Variants in PVRIG observed in about 807,000 individuals in gnomAD.
PVRIG encodes transmembrane protein PVRIG.
PVRIG carries 16 observed loss-of-function variants against 21.9 expected under a neutral mutation model. The observed-to-expected ratio is 0.73, with a 90% confidence interval of 0.50 to 1.11. The LOEUF (loss-of-function observed/expected upper bound fraction) is 1.11. Ranked by LOEUF, PVRIG falls within the 50% of genes most tolerant of loss-of-function variation. The pLI is 0.00. For synonymous variants in PVRIG, 190 were observed against 181.0 expected (o/e 1.05, Z -0.40); for missense variants, 435 against 445.7 (o/e 0.98, Z 0.22).
chr7:100,219,784 C>T, exon 2 of PVRIG: 1 of 763,408 alleles, frequency 1.3e-6, no homozygotes, highest in South Asian at 1.7e-5. Flanking sequence ...GCCTTGGGGA[C>T]TGAGCAGGCC....
chr7:100,220,558 C>T, exon 4 of PVRIG: 1 of 1,611,632 alleles, frequency 6.2e-7, no homozygotes, highest in South Asian at 1.1e-5. Context: ...GCTCTCTGCC[C>T]CGCCGACTCC....
chr7:100,220,694 A>G (rs760647913), intron 4 of PVRIG, 21 bp downstream of exon 3: 1 of 1,609,334 alleles, frequency 6.2e-7, no homozygotes, highest in Non-Finnish European at 8.5e-7. Flanking sequence ...GTCCCTGTCC[A>G]CGTCCCCCTG....
rs368001513 is a variant in PVRIG at position 100,220,907 on chromosome 7, G to C, written c.658-21G>C. 169 of 1,580,938 alleles carry C rather than the reference G, an allele frequency of 1.1e-4. 1 individual carries two copies. In the African/African-American group the frequency reaches 2.2e-3, roughly 20 times the overall value. On this transcript the variant is annotated intron_variant, in intron 5 of 5. Transcript: ENST00000317271. ...GGGCCCAAGCTGTGCAGACTCACTT[G>C]ACCCTCCTTCCCCCGCGCAGGCACC...
chr7:100,220,382 C>T, exon 3 of PVRIG: 2 of 1,582,054 alleles, frequency 1.3e-6, no homozygotes, highest in Admixed American at 3.6e-5. Context: ...CCTGCGCCAA[C>T]ACCACCTTCT....
exon 6 of PVRIG, chr7:100,221,243 G>T: frequency 6.4e-7 from 1 of 1,570,976 alleles, no homozygotes; most frequent in African/African-American, 1.3e-5. Flanking sequence ...ACCCTTAGGA[G>T]TTCGATGAGA....
chr7:100,220,037 C>G lies in PVRIG; in HGVS notation c.118+9C>G. 1.2e-6 allele frequency: 2 copies of G among 1,604,558 alleles called. No individual in the cohort carries two copies. The highest frequency in any genetic ancestry group is 1.7e-6 in the Non-Finnish European group (2 of 1,176,196). On this transcript the variant is annotated intron_variant, in intron 2 of 5. Transcript: ENST00000317271. ...CTTGTGTGTCACTGCGGGTGAGTGC[C>G]GGCACCAGAGAGGGGCAGGGGCTGC...
At chr7:100,220,340 T>C (rs1363567304) in exon 3 of PVRIG, 2 of 1,558,826 alleles carry the variant, frequency 1.3e-6, no homozygotes, top group South Asian at 1.2e-5. Context: ...GCAGCATCTC[T>C]CTCATCCTGG....
In PVRIG at chr7:100,220,689, T is replaced by C; in HGVS notation, c.596+16T>C. 1.9e-6 allele frequency: 3 copies of C among 1,609,882 alleles called. No homozygotes were observed. Among genetic ancestry groups the C allele is most frequent in the Non-Finnish European group, 2.5e-6 (3 of 1,179,898 alleles). On this transcript the variant is annotated intron_variant, in intron 4 of 5. Coordinates refer to ENST00000317271, the Ensembl canonical transcript of PVRIG. ...ATAAGCACCGGTGAGACCTGGTCCC[T>C]GTCCACGTCCCCCTGACACTGGGAT...
rs760945720 is a variant in PVRIG at position 100,220,053 on chromosome 7, C to T, written c.118+25C>T. The stretch of plus-strand genomic sequence containing the variant: ...GGTGAGTGCCGGCACCAGAGAGGGG[C>T]AGGGGCTGCAGGGAGGGTGATGTAG... On this transcript the variant is annotated intron_variant, in intron 2 of 5. Transcript: ENST00000317271. 5.6e-6 allele frequency: 9 copies of T among 1,603,298 alleles called. No homozygotes were observed. In the Admixed American group the frequency reaches 1.5e-4, roughly 27 times the overall value.
Position 100,220,910 on chromosome 7 carries a change from C to A in PVRIG, c.658-18C>A. The A allele has an allele frequency of 6.3e-7, 1 of 1,576,938 alleles. No individual in the cohort carries two copies. Among genetic ancestry groups the A allele is most frequent in the Non-Finnish European group, 8.6e-7 (1 of 1,160,160 alleles). On this transcript the variant is annotated intron_variant, in intron 5 of 5. Coordinates refer to ENST00000317271, the Ensembl canonical transcript of PVRIG. ...CCCAAGCTGTGCAGACTCACTTGAC[C>A]CTCCTTCCCCCGCGCAGGCACCAAG...
intron 1 of PVRIG, chr7:100,219,431 T>C (rs1443007720): frequency 9.7e-6 from 2 of 206,664 alleles, no homozygotes; most frequent in Non-Finnish European, 2.0e-5. Context: ...GAGGTATGAG[T>C]GGGTAGTGGG....
At chr7:100,220,656 G>C (rs1239967249) in exon 4 of PVRIG, 5 of 1,611,236 alleles carry the variant, frequency 3.1e-6, no homozygotes, top group Non-Finnish European at 4.2e-6. Context: ...TTCATCTGCT[G>C]CGCCGACATA....
At chr7:100,221,058 A>G in exon 6 of PVRIG, 1 of 1,613,700 alleles carries the variant, frequency 6.2e-7, no homozygotes, top group South Asian at 1.1e-5. Flanking sequence ...CTCCCCACCC[A>G]CGCTGCACAC....
At chr7:100,219,468 G>A (rs1177333964) in intron 1 of PVRIG, 1 of 229,812 alleles carries the variant, frequency 4.4e-6, no homozygotes, top group African/African-American at 2.4e-5. Flanking sequence ...TTGTGGGGGA[G>A]GCCTGCATTG....
chr7:100,219,539 T>C, intron 1 of PVRIG: 1 of 349,576 alleles, frequency 2.9e-6, no homozygotes, highest in Non-Finnish European at 5.4e-6. Flanking sequence ...GGGCTGGCTC[T>C]CAGGTCCTCC....
chr7:100,220,848 A>T, intron 5 of PVRIG, 28 bp downstream of exon 4: 1 of 1,605,580 alleles, frequency 6.2e-7, no homozygotes, highest in Non-Finnish European at 8.5e-7. Flanking sequence ...TTTGGGGATG[A>T]GGTGACAGGG....
chr7:100,221,353 G>A, exon 6 of PVRIG: 2 of 958,332 alleles, frequency 2.1e-6, no homozygotes, highest in East Asian at 2.7e-5. Flanking sequence ...ATAGGTGTCT[G>A]GCCAGGCCCA....
At position 100,219,990 on chromosome 7, in the gene PVRIG, T is replaced by C. The variant is rs140827025; in HGVS notation, c.80T>C (p.Val27Ala). Residue 27 changes from valine (V) to alanine (A), a missense_variant, in exon 2 of 6, where the codon GTC (valine) becomes GCC (alanine). By Grantham distance (64) the Val-to-Ala change is moderately conservative. Transcript: ENST00000317271. ...GGGGCCATGGGGCACCGGACCCTGG[T>C]CCTGCCCTGGGTGCTGCTGACCTTG... The C allele has an allele frequency of 3.1e-6, 5 of 1,595,812 alleles. No individual in the cohort carries two copies. In the African/African-American group the frequency reaches 4.0e-5, roughly 13 times the overall value.
At chr7:100,220,556 C>A (rs776800356) in exon 4 of PVRIG, 5 of 1,611,640 alleles carry the variant, frequency 3.1e-6, no homozygotes, top group East Asian at 4.5e-5. Flanking sequence ...GGGCTCTCTG[C>A]CCCGCCGACT....
Sources: gnomAD v4.1 joint callset for allele counts on GRCh38, gnomAD v4.1.1 for gene constraint, MANE v1.5 for transcripts, NCBI Gene and HGNC (gene_info 2026-07-23, HGNC 2026-07-21) for gene names.